Variants in AKAP13 observed in about 807,000 individuals in gnomAD.
AKAP13 encodes A-kinase anchoring protein 13.
AKAP13 carries 80 observed loss-of-function variants against 264.5 expected under a neutral mutation model. The observed-to-expected ratio is 0.30, with a 90% confidence interval of 0.25 to 0.36. The LOEUF (loss-of-function observed/expected upper bound fraction) is 0.36. AKAP13 is among the 10% of genes least tolerant of loss of function. AKAP13 has a pLI of 1.00. For synonymous variants in AKAP13, 1,380 were observed against 1,250.2 expected, an observed-to-expected ratio of 1.10 and a Z score of -2.19; for missense variants, 3,712 against 3,435.2, an observed-to-expected ratio of 1.08 and a Z score of -2.01.
chr15:85,467,800 TA>T (rs528482920), intron 1 of AKAP13, among the ~76,000 whole-genome samples: 94 of 152,364 alleles, frequency 6.2e-4, no homozygotes, highest in African/African-American at 2.1e-3. Flanking sequence ...CAGGGGTTGA[TA>T]TTTCGGCCTG....
At chr15:85,499,631 C>T (rs1276056427) in intron 2 of AKAP13, among the ~76,000 whole-genome samples, 2 of 152,078 alleles carry the variant, frequency 1.3e-5, no homozygotes, top group Non-Finnish European at 2.9e-5. Context: ...GGCATCTCTT[C>T]CTCTCTCTGA....
At chr15:85,447,192 G>A (rs2073929874) in intron 1 of AKAP13, among the ~76,000 whole-genome samples, 2 of 152,074 alleles carry the variant, frequency 1.3e-5, no homozygotes, top group South Asian at 4.2e-4. Context: ...TCTTGAACCG[G>A]GGAGGTGGAG....
At chr15:85,591,635 CAGAAAA>C (rs2079583571) in intron 8 of AKAP13, among the ~76,000 whole-genome samples, 1 of 10,970 alleles carries the variant, frequency 9.1e-5, no homozygotes, top group Non-Finnish European at 1.8e-4. Context: ...TACTTAAGTT[CAGAAAA>C]AGTTCAGAAA....
chr15:85,515,579 T>C (rs2076572497), intron 2 of AKAP13, among the ~76,000 whole-genome samples: 2 of 138,964 alleles, frequency 1.4e-5, no homozygotes, highest in South Asian at 4.4e-4. Flanking sequence ...CAAAATCATG[T>C]GTTGTGTTTA....
At chr15:85,502,846 T>G (rs554285214) in intron 2 of AKAP13, among the ~76,000 whole-genome samples, 3 of 152,348 alleles carry the variant, frequency 2.0e-5, no homozygotes, top group South Asian at 2.1e-4. Flanking sequence ...ACAGTTTCTT[T>G]CGTAAGACTT....
At position 85,551,230 on chromosome 15, in the gene AKAP13, C is replaced by G. The variant is rs140048394; in HGVS notation, c.662+7275C>G. On this transcript the variant is annotated intron_variant, in intron 5 of 36. Transcript: ENST00000394518. ...ATTTTGACATTTTGTATTTTTTAAA[C>G]CATTTAACTAGTAATCTCAGGATTG... is the stretch of plus-strand genomic sequence containing the variant. 1.6e-3 allele frequency among the ~76,000 whole-genome samples: 248 copies of G among 152,278 alleles called. 2 individuals carry two copies. Among genetic ancestry groups the G allele is most frequent in the Middle Eastern group, 3.4e-3 (1 of 294 alleles).
chr15:85,599,012 A>T (rs755760294), intron 8 of AKAP13, among the ~76,000 whole-genome samples: 3 of 152,208 alleles, frequency 2.0e-5, no homozygotes, highest in African/African-American at 4.8e-5. Context: ...ACAATAGGCT[A>T]TGTTCCTTCC....
At chr15:85,741,713 A>AAAC (rs1567225912) in intron 35 of AKAP13, among the ~76,000 whole-genome samples, 1 of 101,084 alleles carries the variant, frequency 9.9e-6, no homozygotes, top group African/African-American at 3.6e-5. Context: ...AAAAAAAAAA[A>AAAC]AAACAAACAA....
intron 1 of AKAP13, among the ~76,000 whole-genome samples, chr15:85,453,482 G>C (rs1413186844): frequency 6.6e-6 from 1 of 152,238 alleles, no homozygotes; most frequent in African/African-American, 2.4e-5. Context: ...AAAGATGGCT[G>C]CCTGTCCTTC....
chr15:85,654,457 G>A (rs1312181585), intron 10 of AKAP13, among the ~76,000 whole-genome samples: 2 of 152,042 alleles, frequency 1.3e-5, no homozygotes, highest in East Asian at 1.9e-4. Flanking sequence ...AAAACCCAGA[G>A]ACAGATGGAT....
chr15:85,546,454 A>G (rs750130513), intron 5 of AKAP13, among the ~76,000 whole-genome samples: 9 of 152,126 alleles, frequency 5.9e-5, no homozygotes, highest in Admixed American at 2.0e-4. Context: ...AAAAGAAAAG[A>G]TCATCTTTAA....
At chr15:85,619,716 AG>A in intron 8 of AKAP13, 1 of 1,002,860 alleles carries the variant, frequency 1.0e-6, no homozygotes, top group Non-Finnish European at 1.2e-6. Flanking sequence ...ATGCTTAGCC[AG>A]TTTATTCTTT....
chr15:85,485,768 A>G lies in AKAP13; in HGVS notation c.33+15A>G. ...CTCCCTTATATGTGAGTAAATCATG[A>G]GATTTCTTATTATTTTGTGTTTATC... On this transcript the variant is annotated intron_variant, in intron 2 of 36. Coordinates refer to ENST00000394518, the MANE Select transcript of AKAP13 (RefSeq NM_007200.5). 1 of 1,611,024 alleles carries G rather than the reference A, an allele frequency of 6.2e-7. No individual in the cohort carries two copies. The highest frequency in any genetic ancestry group is 8.5e-7 in the Non-Finnish European group (1 of 1,177,530).
intron 15 of AKAP13, chr15:85,684,279 AT>A (rs1456958907): frequency 6.6e-6 from 1 of 152,230 alleles, no homozygotes; most frequent in African/African-American, 2.4e-5. Flanking sequence ...AACATTAAAA[AT>A]GGGCCAGGCG....
chr15:85,704,454 T>C (rs908263319), intron 17 of AKAP13, among the ~76,000 whole-genome samples: 2 of 152,122 alleles, frequency 1.3e-5, no homozygotes, highest in Admixed American at 1.3e-4. Flanking sequence ...GTTGGTGGCA[T>C]GGGTTAAAAA....
At position 85,724,450 on chromosome 15, in the gene AKAP13, G is replaced by A. The variant is rs1312477291; in HGVS notation, c.6745+1130G>A. 1.3e-5 allele frequency among the ~76,000 whole-genome samples: 2 copies of A among 152,030 alleles called. No homozygotes were observed. Among genetic ancestry groups the A allele is most frequent in the Admixed American group, 6.6e-5 (1 of 15,258 alleles). On this transcript the variant is annotated intron_variant, in intron 26 of 36. Transcript: ENST00000394518. The surrounding 1 kb of genome is among the most constrained non-coding windows in gnomAD (Gnocchi z 4.2). ...AAAGTGTTCCCCACACTAAGGAAGA[G>A]AAAGTGGAAGCACAGAGTTGAAAGG...
chr15:85,570,645 G>C (rs1046016292), intron 5 of AKAP13, among the ~76,000 whole-genome samples: 1 of 152,224 alleles, frequency 6.6e-6, no homozygotes, highest in African/African-American at 2.4e-5. Flanking sequence ...CTTTGTTGTA[G>C]GGAGCAGTCC....
intron 9 of AKAP13, among the ~76,000 whole-genome samples, chr15:85,641,579 A>G (rs2082314840): frequency 6.6e-6 from 1 of 151,734 alleles, no homozygotes; most frequent in African/African-American, 2.4e-5. Context: ...TCCGCCTCCC[A>G]GGTTCACACC....
intron 8 of AKAP13, among the ~76,000 whole-genome samples, chr15:85,589,319 GTGTC>G (rs1252838205): frequency 6.6e-6 from 1 of 152,144 alleles, no homozygotes; most frequent in Admixed American, 6.5e-5. Flanking sequence ...GAGTATGAAA[GTGTC>G]TGTAGCTAGT....
Sources: gnomAD v4.1 joint callset for allele counts (sites outside exome capture counted in the v4.1 genomes callset) on GRCh38, gnomAD v4.1.1 for gene constraint, Gnocchi (gnomAD v3.1) non-coding constraint, MANE v1.5 for transcripts, NCBI Gene and HGNC (gene_info 2026-07-23, HGNC 2026-07-21) for gene names.